Variants in POU2AF2 observed in about 807,000 individuals in gnomAD.
POU2AF2 encodes the protein POU domain class 2-associating factor 2.
the POU2AF2 span, among the ~76,000 whole-genome samples, chr11:111,272,633 A>G: frequency 1.2e-4 from 19 of 152,262 alleles, no homozygotes; most frequent in South Asian, 2.1e-4. Flanking sequence ...CCTTATTTCT[A>G]TTATTGCACC....
chr11:111,281,687 C>T, the POU2AF2 span, among the ~76,000 whole-genome samples: 8 of 152,170 alleles, frequency 5.3e-5, no homozygotes, highest in African/African-American at 1.7e-4. Context: ...AAATTATGCC[C>T]TTGATACAGT....
the POU2AF2 span, among the ~76,000 whole-genome samples, chr11:111,278,676 C>T: frequency 7.9e-5 from 12 of 152,186 alleles, no homozygotes; most frequent in African/African-American, 2.9e-4. Flanking sequence ...CTCAGACTTC[C>T]AGTCTCCTGA....
chr11:111,280,481 C>A, the POU2AF2 span, among the ~76,000 whole-genome samples: 1 of 152,168 alleles, frequency 6.6e-6, no homozygotes, highest in African/African-American at 2.4e-5. Flanking sequence ...AAATGGCATG[C>A]CTTTCTCAGT....
At chr11:111,257,233 G>A in the POU2AF2 span, among the ~76,000 whole-genome samples, 1 of 152,198 alleles carries the variant, frequency 6.6e-6, no homozygotes, top group East Asian at 1.9e-4. Flanking sequence ...GGTTCTTCCA[G>A]CATGTATGCT....
At chr11:111,285,627 C>G in the POU2AF2 span, 2 of 1,595,624 alleles carry the variant, frequency 1.3e-6, no homozygotes, top group Non-Finnish European at 1.7e-6. Context: ...AGTGAATAAC[C>G]TCCGTGGCCT....
At chr11:111,254,622 T>C in the POU2AF2 span, among the ~76,000 whole-genome samples, 6 of 152,220 alleles carry the variant, frequency 3.9e-5, no homozygotes, top group African/African-American at 1.4e-4. Flanking sequence ...CAGCAACCTC[T>C]TTTCTCCAAT....
the POU2AF2 span, among the ~76,000 whole-genome samples, chr11:111,283,607 C>T: frequency 6.6e-6 from 1 of 152,242 alleles, no homozygotes; most frequent in African/African-American, 2.4e-5. Flanking sequence ...TACAGCCTGC[C>T]TCTTTGAGGT....
chr11:111,258,716 C>T, the POU2AF2 span, among the ~76,000 whole-genome samples: 329 of 152,166 alleles, frequency 2.2e-3, 3 homozygotes, highest in Non-Finnish European at 1.2e-3. Flanking sequence ...TGGACCTGTC[C>T]CATGTCTACT....
chr11:111,251,100 G>A, the POU2AF2 span, among the ~76,000 whole-genome samples: 2 of 152,174 alleles, frequency 1.3e-5, no homozygotes, highest in African/African-American at 4.8e-5. Context: ...AGGGCAGGGT[G>A]GATGTGGAAG....
At chr11:111,280,083 T>TATATATATATATATATATATATA in the POU2AF2 span, among the ~76,000 whole-genome samples, 1 of 141,692 alleles carries the variant, frequency 7.1e-6, no homozygotes, top group African/African-American at 2.6e-5. Context: ...TATATATATC[T>TATATATATATATATATATATATA]TTTGGAGGGG....
the POU2AF2 span, among the ~76,000 whole-genome samples, chr11:111,267,938 A>AT: frequency 6.6e-6 from 1 of 152,248 alleles, no homozygotes; most frequent in African/African-American, 2.4e-5. Context: ...TTAGTATTCC[A>AT]TGCTAGAAAC....
chr11:111,248,949 G>A, the POU2AF2 span, among the ~76,000 whole-genome samples: 1 of 152,182 alleles, frequency 6.6e-6, no homozygotes, highest in Non-Finnish European at 1.5e-5. Context: ...TCACCATTAA[G>A]TCTACTATAG....
the POU2AF2 span, among the ~76,000 whole-genome samples, chr11:111,274,979 G>A: frequency 1.3e-5 from 2 of 152,108 alleles, no homozygotes; most frequent in Admixed American, 1.3e-4. Flanking sequence ...TTCTGGGATG[G>A]TCGTGAGAAT....
the POU2AF2 span, among the ~76,000 whole-genome samples, chr11:111,248,812 T>C: frequency 1.3e-5 from 2 of 152,226 alleles, no homozygotes; most frequent in African/African-American, 2.4e-5. Context: ...GCCATAAGTG[T>C]ATTTGATATT....
the POU2AF2 span, among the ~76,000 whole-genome samples, chr11:111,263,750 C>A: frequency 6.6e-6 from 1 of 151,994 alleles, no homozygotes; most frequent in Non-Finnish European, 1.5e-5. Flanking sequence ...TATTCTAAGA[C>A]ATAGAAAACA....
the POU2AF2 span, among the ~76,000 whole-genome samples, chr11:111,277,458 GAC>G: frequency 1.7e-3 from 259 of 152,332 alleles, no homozygotes; most frequent in Admixed American, 4.6e-3. Context: ...AGAGGAGAAA[GAC>G]AGAAAAACTT....
chr11:111,284,037 G>C, the POU2AF2 span: 3 of 1,593,354 alleles, frequency 1.9e-6, no homozygotes, highest in Non-Finnish European at 1.7e-6. Context: ...ACCGCCCTGG[G>C]AGGAATTTTC....
At chr11:111,275,045 T>C in the POU2AF2 span, among the ~76,000 whole-genome samples, 5 of 152,248 alleles carry the variant, frequency 3.3e-5, no homozygotes, top group Non-Finnish European at 1.5e-5. Flanking sequence ...ACAGTGTGTT[T>C]ATGAAATTAC....
At chr11:111,253,304 C>T in the POU2AF2 span, among the ~76,000 whole-genome samples, 1 of 152,192 alleles carries the variant, frequency 6.6e-6, no homozygotes, top group Non-Finnish European at 1.5e-5. Context: ...AGTAGCCTGA[C>T]CTGTTTACCC....
Sources: allele counts gnomAD v4.1 joint callset (sites outside exome capture counted in the v4.1 genomes callset), GRCh38; gene constraint gnomAD v4.1.1; transcripts MANE v1.5; gene names NCBI Gene and HGNC (gene_info 2026-07-23, HGNC 2026-07-21).